Variants in STAG1 observed in about 807,000 individuals in gnomAD.
STAG1 encodes STAG1 cohesin complex component.
In STAG1, 26 loss-of-function variants were observed where a neutral mutation model predicts 170.9. The ratio of observed to expected loss-of-function variants is 0.15; its 90% confidence interval spans 0.11 to 0.21. The LOEUF is 0.21. Among genes scored for constraint, STAG1 ranks in the 10% least tolerant of loss-of-function variants. STAG1 has a pLI of 1.00. For synonymous variants in STAG1, 514 were observed against 497.7 expected (o/e 1.03, Z -0.44); for missense variants, 964 against 1,509.5 (o/e 0.64, Z 5.99).
At chr3:136,476,050 C>G (rs937070110) in intron 10 of STAG1, among the ~76,000 whole-genome samples, 1 of 152,168 alleles carries the variant, frequency 6.6e-6, no homozygotes, top group African/African-American at 2.4e-5. Context: ...TGGGTAGATG[C>G]AGTGAGAATC....
At chr3:136,577,292 T>C (rs565687151) in intron 4 of STAG1, among the ~76,000 whole-genome samples, 4 of 152,292 alleles carry the variant, frequency 2.6e-5, no homozygotes, top group East Asian at 1.9e-4. Context: ...TCATTTCTTA[T>C]AGGTGAGGGG....
At chr3:136,703,156 A>G (rs1159438820) in intron 1 of STAG1, among the ~76,000 whole-genome samples, 1 of 152,144 alleles carries the variant, frequency 6.6e-6, no homozygotes, top group Non-Finnish European at 1.5e-5. Flanking sequence ...TCTTCCACTG[A>G]AACAATTATA....
chr3:136,593,795 C>A (rs377309168), intron 4 of STAG1, among the ~76,000 whole-genome samples: 14 of 152,164 alleles, frequency 9.2e-5, no homozygotes, highest in African/African-American at 2.9e-4. Flanking sequence ...TAACACATTT[C>A]TTGTATTATA....
At chr3:136,684,055 C>CAT (rs1483794816) in intron 1 of STAG1, among the ~76,000 whole-genome samples, 5 of 152,172 alleles carry the variant, frequency 3.3e-5, no homozygotes, top group African/African-American at 1.2e-4. Context: ...AGAAATATTA[C>CAT]ATGCTTGTGG....
chr3:136,712,807 G>C lies in STAG1; in HGVS notation c.-84+39388C>G, dbSNP rs180830274. On this transcript the variant is annotated intron_variant, in intron 1 of 33. Coordinates refer to ENST00000383202, the MANE Select transcript of STAG1 (RefSeq NM_005862.3). ...CACATGTGCATTAAAAAACACATAT[G>C]AGGCCGGGCACGGTGGCTCATGCCT... Among the ~76,000 whole-genome samples, 72 of 152,258 alleles carry C rather than the reference G, an allele frequency of 4.7e-4. No individual in the cohort carries two copies. In the East Asian group the frequency reaches 6.2e-3, roughly 13 times the overall value.
chr3:136,709,030 C>T (rs1391259400), intron 1 of STAG1, among the ~76,000 whole-genome samples: 1 of 132,006 alleles, frequency 7.6e-6, no homozygotes. Context: ...TGGTTCACAT[C>T]TGTAATCCCA....
intron 23 of STAG1, among the ~76,000 whole-genome samples, chr3:136,375,605 T>C (rs982459731): frequency 2.6e-5 from 4 of 152,256 alleles, no homozygotes; most frequent in African/African-American, 9.6e-5. Flanking sequence ...GGGAATACTT[T>C]TTAACCAGCA....
intron 5 of STAG1, among the ~76,000 whole-genome samples, chr3:136,551,232 A>T (rs1296272979): frequency 8.4e-5 from 12 of 142,478 alleles, no homozygotes; most frequent in African/African-American, 2.9e-4. Context: ...AGAGAGAGAG[A>T]GAGAGAGAGA....
At chr3:136,659,885 G>C (rs981231952) in intron 1 of STAG1, among the ~76,000 whole-genome samples, 4 of 152,112 alleles carry the variant, frequency 2.6e-5, no homozygotes, top group African/African-American at 9.7e-5. Flanking sequence ...GTGGTATACT[G>C]AATTTTTTTT....
chr3:136,552,814 T>C (rs1014231388), intron 5 of STAG1, among the ~76,000 whole-genome samples: 1 of 152,138 alleles, frequency 6.6e-6, no homozygotes, highest in Non-Finnish European at 1.5e-5. Context: ...TCTCAAACTC[T>C]CTATTCAATT....
At chr3:136,700,958 T>A (rs1943040125) in intron 1 of STAG1, among the ~76,000 whole-genome samples, 1 of 139,564 alleles carries the variant, frequency 7.2e-6, no homozygotes, top group Admixed American at 7.7e-5. Flanking sequence ...CTTGGCTCAA[T>A]GCAACCTCGA....
intron 21 of STAG1, chr3:136,417,657 T>TA (rs1399492291): frequency 7.2e-6 from 3 of 419,570 alleles, no homozygotes; most frequent in Non-Finnish European, 1.3e-5. Flanking sequence ...ACCTTAACAG[T>TA]AAAATTTTTA....
At chr3:136,714,940 TATATATATATATATATATATATA>T (rs1304526513) in intron 1 of STAG1, among the ~76,000 whole-genome samples, 3 of 24,546 alleles carry the variant, frequency 1.2e-4, no homozygotes, top group Non-Finnish European at 1.9e-4. Flanking sequence ...ATATATTAAA[TATATATATATATATATATATATA>T]TTTTATATAT....
At chr3:136,472,925 G>A (rs2089661796) in intron 11 of STAG1, among the ~76,000 whole-genome samples, 1 of 152,178 alleles carries the variant, frequency 6.6e-6, no homozygotes, top group South Asian at 2.1e-4. Flanking sequence ...TCTGTAACCT[G>A]TTAGGAACTG....
chr3:136,525,002 T>C (rs1468900103), intron 6 of STAG1, among the ~76,000 whole-genome samples: 1 of 152,208 alleles, frequency 6.6e-6, no homozygotes, highest in Non-Finnish European at 1.5e-5. Context: ...TTTGCCGGTA[T>C]TTTATTGAGG....
chr3:136,411,781 T>C (rs1371131628), intron 21 of STAG1, among the ~76,000 whole-genome samples: 2 of 152,042 alleles, frequency 1.3e-5, no homozygotes, highest in Non-Finnish European at 2.9e-5. Flanking sequence ...AAATCCCATA[T>C]CTACCAATAC....
At chr3:136,668,884 G>C (rs1351964479) in intron 1 of STAG1, among the ~76,000 whole-genome samples, 1 of 152,150 alleles carries the variant, frequency 6.6e-6, no homozygotes, top group South Asian at 2.1e-4. Flanking sequence ...AACTATCACA[G>C]ATGTCAAAGG....
chr3:136,621,251 A>T (rs187142191), intron 3 of STAG1, among the ~76,000 whole-genome samples: 79 of 152,360 alleles, frequency 5.2e-4, no homozygotes, highest in African/African-American at 1.9e-3. Flanking sequence ...TAGGAAAAAT[A>T]AAAAAGTTTC....
chr3:136,707,512 G>C (rs1183623874), intron 1 of STAG1, among the ~76,000 whole-genome samples: 1 of 152,198 alleles, frequency 6.6e-6, no homozygotes, highest in Non-Finnish European at 1.5e-5. Flanking sequence ...CTTTAGAATA[G>C]GGTATTAGTC....
Sources: gnomAD v4.1 joint callset for allele counts (sites outside exome capture counted in the v4.1 genomes callset) on GRCh38, gnomAD v4.1.1 for gene constraint, MANE v1.5 for transcripts, NCBI Gene and HGNC (gene_info 2026-07-23, HGNC 2026-07-21) for gene names.